Variants in LRCH2 observed in about 807,000 individuals in gnomAD.
LRCH2 encodes the protein leucine-rich repeat and calponin homology domain-containing protein 2.
Under a neutral mutation model 68.9 loss-of-function variants are expected in LRCH2, and 38 were observed. That is an observed-to-expected ratio of 0.55 (90% CI 0.43 to 0.72). The LOEUF (loss-of-function observed/expected upper bound fraction) is 0.72, where lower values mean the gene tolerates loss of function less well. Ranked by LOEUF, LRCH2 falls within the 30% of genes least tolerant of loss-of-function variation. The pLI, the probability that LRCH2 is intolerant of heterozygous loss-of-function variation, is 0.00. For missense variants in LRCH2, 528 were observed against 572.9 expected, an observed-to-expected ratio of 0.92 and a Z score of 0.80; for synonymous variants, 191 against 208.1, an observed-to-expected ratio of 0.92 and a Z score of 0.71.
intron 1 of LRCH2, chrX:115,191,430 C>CGGA: frequency 1.7e-6 from 2 of 1,149,051 alleles, no homozygotes; most frequent in Non-Finnish European, 2.3e-6. Flanking sequence ...GCAACTGCTA[C>CGGA]GGAGGAGGAG....
chrX:115,224,340 T>A (rs1291565725), intron 1 of LRCH2, among the ~76,000 whole-genome samples: 1 of 111,206 alleles, frequency 9.0e-6, no homozygotes. Flanking sequence ...AACAATATAC[T>A]TTAAATTGGT....
intron 5 of LRCH2, among the ~76,000 whole-genome samples, chrX:115,172,728 G>A (rs1430579945): frequency 9.6e-6 from 1 of 103,780 alleles, no homozygotes; most frequent in Admixed American, 1.1e-4. Context: ...GTGGACAAAC[G>A]TATCAAATCA....
intron 18 of LRCH2, 47 bp from the exon 19 acceptor site, chrX:115,122,944 G>T (rs200218275): frequency 3.6e-6 from 4 of 1,116,356 alleles, no homozygotes; most frequent in Non-Finnish European, 4.9e-6. Context: ...AAACATACAT[G>T]TTAAATGTTT....
intron 1 of LRCH2, among the ~76,000 whole-genome samples, chrX:115,195,208 C>T (rs186168839): frequency 4.6e-5 from 5 of 108,623 alleles, no homozygotes; most frequent in Admixed American, 2.0e-4. Flanking sequence ...TGCTTGAACC[C>T]GGGAGGCAGA....
chrX:115,167,283 G>A (rs1220815758), intron 6 of LRCH2, among the ~76,000 whole-genome samples: 7 of 103,321 alleles, frequency 6.8e-5, no homozygotes, highest in Non-Finnish European at 9.9e-5. Flanking sequence ...TACATTTAGG[G>A]AATCACCTAC....
intron 14 of LRCH2, among the ~76,000 whole-genome samples, chrX:115,140,246 C>T (rs1399493506): frequency 1.8e-5 from 2 of 111,211 alleles, no homozygotes; most frequent in Admixed American, 1.9e-4. Context: ...CATTACTAGA[C>T]ATATACCCCT....
intron 2 of LRCH2, 45 bp from the exon 3 acceptor site, chrX:115,184,582 G>GTA: frequency 9.6e-7 from 1 of 1,036,675 alleles, no homozygotes; most frequent in Non-Finnish European, 1.3e-6. Context: ...TGTATGTAAT[G>GTA]TGACATATTA....
At chrX:115,153,063 C>A (rs1288294191) in intron 12 of LRCH2, among the ~76,000 whole-genome samples, 1 of 105,766 alleles carries the variant, frequency 9.5e-6, no homozygotes, top group African/African-American at 3.5e-5. Context: ...AATCCCAACA[C>A]GTTGGGAGGC....
intron 5 of LRCH2, among the ~76,000 whole-genome samples, chrX:115,176,984 C>A (rs1452843596): frequency 9.6e-6 from 1 of 103,693 alleles, no homozygotes; most frequent in Non-Finnish European, 1.9e-5. Context: ...TGAGCTCAGG[C>A]GATCCATCTG....
At position 115,189,835 on chromosome X, in the gene LRCH2, G is replaced by A. The variant is rs782502613; in HGVS notation, c.350-1465C>T. 4.5e-4 allele frequency: 523 copies of A among 1,166,264 alleles called. No homozygotes were observed. Among genetic ancestry groups the A allele is most frequent in the Non-Finnish European group, 5.6e-4 (493 of 872,883 alleles). On this transcript the variant is annotated intron_variant, in intron 1 of 20. Coordinates refer to ENST00000317135, the MANE Select transcript of LRCH2 (RefSeq NM_020871.4). Reference sequence around the variant, plus strand: ...TCAGGGCAGGCCTGATGACGGCCGCGGCTACGCGGGGTATTTCGACCTGTG... The same window carrying A: ...TCAGGGCAGGCCTGATGACGGCCGCAGCTACGCGGGGTATTTCGACCTGTG...
chrX:115,134,484 G>A (rs1382228682), intron 14 of LRCH2, among the ~76,000 whole-genome samples: 1 of 112,033 alleles, frequency 8.9e-6, no homozygotes, highest in Non-Finnish European at 1.9e-5. Flanking sequence ...AGGGGCTAAT[G>A]CAGCTGCTGA....
chrX:115,187,353 T>A (rs114492872), intron 2 of LRCH2, among the ~76,000 whole-genome samples: 1,576 of 112,187 alleles, frequency 0.014, 28 homozygotes, highest in African/African-American at 0.049. Flanking sequence ...AAGAAAAAAA[T>A]TCTAAAATTA....
chrX:115,131,572 A>G (rs2072245811), intron 14 of LRCH2, among the ~76,000 whole-genome samples: 1 of 111,666 alleles, frequency 9.0e-6, no homozygotes, highest in Non-Finnish European at 1.9e-5. Context: ...ACATATGTGT[A>G]CATGTGTCTT....
chrX:115,170,513 A>AATGT, intron 5 of LRCH2, 81 bp from the exon 6 acceptor site: 9 of 833,438 alleles, frequency 1.1e-5, no homozygotes, highest in Non-Finnish European at 1.4e-5. Flanking sequence ...CAATAGTCTC[A>AATGT]AATTACATTG....
chrX:115,128,260 C>T (rs1325882042), intron 15 of LRCH2, among the ~76,000 whole-genome samples: 1 of 111,778 alleles, frequency 8.9e-6, no homozygotes, highest in Non-Finnish European at 1.9e-5. Context: ...CTGTCAAAGG[C>T]AGATGACAAA....
chrX:115,215,663 A>C (rs1262172299), intron 1 of LRCH2, among the ~76,000 whole-genome samples: 1 of 108,089 alleles, frequency 9.3e-6, no homozygotes, highest in Non-Finnish European at 1.9e-5. Flanking sequence ...CAGGAGGCTA[A>C]GGCAGGAGAA....
At chrX:115,152,459 T>C (rs782407785) in intron 12 of LRCH2, among the ~76,000 whole-genome samples, 2 of 111,337 alleles carry the variant, frequency 1.8e-5, no homozygotes, top group South Asian at 7.7e-4. Context: ...TAATCAAACT[T>C]CTAGAAATAA....
intron 1 of LRCH2, among the ~76,000 whole-genome samples, chrX:115,202,851 A>T (rs1005670206): frequency 8.9e-6 from 1 of 112,109 alleles, no homozygotes; most frequent in Non-Finnish European, 1.9e-5. Flanking sequence ...GAAAGAAGCC[A>T]GTCTGAAATG....
intron 1 of LRCH2, among the ~76,000 whole-genome samples, chrX:115,188,843 A>G (rs140762036): frequency 0.026 from 2,863 of 111,963 alleles, 38 homozygotes; most frequent in South Asian, 0.051. Flanking sequence ...AAAAAGAAAA[A>G]AACCTCATAG....
Sources: allele counts gnomAD v4.1 joint callset (sites outside exome capture counted in the v4.1 genomes callset), GRCh38; gene constraint gnomAD v4.1.1; transcripts MANE v1.5; gene names NCBI Gene and HGNC (gene_info 2026-07-23, HGNC 2026-07-21).